Variants in FAM227B observed in about 807,000 individuals in gnomAD.
FAM227B encodes the protein family with sequence similarity 227 member B.
Under a neutral mutation model 73.8 loss-of-function variants are expected in FAM227B, and 88 were observed. The observed-to-expected ratio is 1.19, with a 90% CI of 1.00 to 1.42. The LOEUF is 1.42. Among genes scored for constraint, FAM227B ranks in the 40% most tolerant of loss-of-function variants. FAM227B has a pLI of 0.00. For missense variants in FAM227B, 632 were observed against 590.9 expected (o/e 1.07, Z -0.72); for synonymous variants, 210 against 190.5 (o/e 1.10, Z -0.84).
intron 8 of FAM227B, among the ~76,000 whole-genome samples, chr15:49,574,539 T>G (rs1455202955): frequency 1.3e-5 from 2 of 152,196 alleles, no homozygotes; most frequent in Non-Finnish European, 2.9e-5. Flanking sequence ...CCTTCCACCA[T>G]GATTGTAAGT....
At chr15:49,482,403 T>C (rs958531378) in intron 11 of FAM227B, among the ~76,000 whole-genome samples, 1 of 152,084 alleles carries the variant, frequency 6.6e-6, no homozygotes, top group Non-Finnish European at 1.5e-5. Flanking sequence ...AAGTATTATA[T>C]AAACAGGATT....
At chr15:49,420,110 T>C (rs572379747) in intron 11 of FAM227B, among the ~76,000 whole-genome samples, 1 of 152,326 alleles carries the variant, frequency 6.6e-6, no homozygotes, top group South Asian at 2.1e-4. Flanking sequence ...ACAACCTCTG[T>C]GGAGGATAAG....
In FAM227B at chr15:49,462,692, C is replaced by A. The variant is rs562452702; in HGVS notation, c.1012+45519G>T. 1.3e-4 allele frequency among the ~76,000 whole-genome samples: 20 copies of A among 152,280 alleles called. No homozygotes were observed. In the South Asian group the frequency reaches 3.5e-3, roughly 27 times the overall value. ...GATTCTATGACTGCTCTTCCTTCCT[C>A]TTTCTCTCATTCAATTTATTTTACT... On this transcript the variant is annotated intron_variant, in intron 11 of 15. Transcript: ENST00000299338.
intron 11 of FAM227B, among the ~76,000 whole-genome samples, chr15:49,412,471 T>A (rs567981054): frequency 6.6e-6 from 1 of 152,180 alleles, no homozygotes; most frequent in East Asian, 1.9e-4. Flanking sequence ...AAGGATTAAT[T>A]TTTTTCAAAA....
chr15:49,422,159 TGTGTGC>T lies in FAM227B; in HGVS notation c.1013-50766_1013-50761del, dbSNP rs1269185118. On this transcript the variant is annotated intron_variant, in intron 11 of 15. Transcript: ENST00000299338. Reference sequence around the variant, plus strand: ...GAGAGAGAGAGAGTGTGTGTGTGTGTGTGTGCGCGCGCGCGCGCGTGCACGCGTGTG... The same window carrying T: ...GAGAGAGAGAGAGTGTGTGTGTGTGTGCGCGCGCGCGCGTGCACGCGTGTG... Among the ~76,000 whole-genome samples the T allele has an allele frequency of 3.8e-5, 4 of 105,456 alleles. No homozygotes were observed. The East Asian group carries it at 8.9e-4, about 24-fold the overall frequency. The allele number at this position is 105,456 out of a possible 152,430, so 69.2% of individuals were successfully genotyped here.
chr15:49,605,536 C>T (rs372852710), intron 3 of FAM227B, among the ~76,000 whole-genome samples: 19 of 151,792 alleles, frequency 1.3e-4, no homozygotes, highest in African/African-American at 4.4e-4. Context: ...TGGGGTGGGC[C>T]TCGAATCTGT....
Position 49,327,415 on chromosome 15 carries a change from A to G in FAM227B, c.*1153T>C, listed in dbSNP as rs1037249657. ...TTTTTGTTGATAAGTTTATTCAGTG[A>G]ACTAGGCTATCTGTTCTAGGGGACT... On this transcript the variant is annotated 3_prime_UTR_variant, in exon 16 of 16. Transcript: ENST00000299338. 1 of 152,272 alleles carries G rather than the reference A, an allele frequency of 6.6e-6. No homozygotes were observed. Among genetic ancestry groups the G allele is most frequent in the Non-Finnish European group, 1.5e-5 (1 of 68,068 alleles). 9.4% of individuals were successfully genotyped at this position (152,272 alleles called of 1,614,324 possible).
intron 9 of FAM227B, among the ~76,000 whole-genome samples, chr15:49,562,581 A>T (rs1372690305): frequency 6.6e-6 from 1 of 152,132 alleles, no homozygotes; most frequent in East Asian, 1.9e-4. Flanking sequence ...TCCCTGATGA[A>T]CACAGAGGCA....
chr15:49,447,401 T>C (rs530425400), intron 11 of FAM227B, among the ~76,000 whole-genome samples: 10 of 151,726 alleles, frequency 6.6e-5, no homozygotes, highest in African/African-American at 2.4e-4. Flanking sequence ...TAGTTAGTGA[T>C]AGAGTCAGAT....
intron 11 of FAM227B, among the ~76,000 whole-genome samples, chr15:49,396,743 A>C (rs1332827076): frequency 6.8e-6 from 1 of 147,904 alleles, no homozygotes; most frequent in Admixed American, 6.8e-5. Context: ...GCACACTGAC[A>C]CCTCACACGG....
intron 9 of FAM227B, among the ~76,000 whole-genome samples, chr15:49,547,493 TAA>T (rs924716502): frequency 6.6e-6 from 1 of 152,140 alleles, no homozygotes; most frequent in Non-Finnish European, 1.5e-5. Context: ...GCAAATTGGA[TAA>T]AGAGTCAAGA....
intron 13 of FAM227B, among the ~76,000 whole-genome samples, chr15:49,356,045 G>C (rs1203196223): frequency 5.3e-5 from 8 of 151,526 alleles, no homozygotes; most frequent in African/African-American, 1.2e-4. Context: ...AATGCTGAGA[G>C]ATTTTCTCAC....
At chr15:49,423,701 G>A (rs2049881661) in intron 11 of FAM227B, among the ~76,000 whole-genome samples, 1 of 152,104 alleles carries the variant, frequency 6.6e-6, no homozygotes, top group Admixed American at 6.6e-5. Context: ...AAGAAGTCTA[G>A]GGAGAAAGCA....
At position 49,432,448 on chromosome 15, in the gene FAM227B, G is replaced by A. The variant is rs1403403333; in HGVS notation, c.1013-61049C>T. 4.0e-5 allele frequency among the ~76,000 whole-genome samples: 6 copies of A among 151,512 alleles called. No individual in the cohort carries two copies. The East Asian group carries it at 1.2e-3, about 30-fold the overall frequency. On this transcript the variant is annotated intron_variant, in intron 11 of 15. Transcript: ENST00000299338. ...CTAATGAGAATTTTTAAAACTCTAG[G>A]AAAAGAGTATACATGATTTCTTAAA...
At chr15:49,456,149 A>AT (rs1043125515) in intron 11 of FAM227B, among the ~76,000 whole-genome samples, 4 of 152,120 alleles carry the variant, frequency 2.6e-5, no homozygotes, top group East Asian at 1.9e-4. Flanking sequence ...TTTGATTGAG[A>AT]TTTTTTTCAG....
At chr15:49,419,612 G>C (rs1238859476) in intron 11 of FAM227B, among the ~76,000 whole-genome samples, 1 of 151,974 alleles carries the variant, frequency 6.6e-6, no homozygotes, top group Non-Finnish European at 1.5e-5. Flanking sequence ...TATTATAATG[G>C]CTTCCTATTG....
chr15:49,415,249 A>C (rs998234230), intron 11 of FAM227B, among the ~76,000 whole-genome samples: 9 of 152,170 alleles, frequency 5.9e-5, no homozygotes, highest in Non-Finnish European at 1.3e-4. Context: ...GAACCAAATA[A>C]TGACAATTTA....
intron 11 of FAM227B, among the ~76,000 whole-genome samples, chr15:49,428,098 T>C (rs2050279627): frequency 6.6e-6 from 1 of 151,788 alleles, no homozygotes; most frequent in Non-Finnish European, 1.5e-5. Context: ...ACTATGAAGA[T>C]GGGGGAATTC....
At chr15:49,442,497 C>A (rs777331588) in intron 11 of FAM227B, among the ~76,000 whole-genome samples, 2 of 151,638 alleles carry the variant, frequency 1.3e-5, no homozygotes, top group Non-Finnish European at 3.0e-5. Flanking sequence ...GACTTTAGAA[C>A]CAGGAGTTGG....
Sources: allele counts gnomAD v4.1 joint callset (sites outside exome capture counted in the v4.1 genomes callset), GRCh38; gene constraint gnomAD v4.1.1; transcripts MANE v1.5; gene names NCBI Gene and HGNC (gene_info 2026-07-23, HGNC 2026-07-21).